Variants in MSR1 observed in about 807,000 individuals in gnomAD.
The protein encoded by MSR1 is macrophage scavenger receptor 1.
In MSR1, 53 loss-of-function variants were observed where a neutral mutation model predicts 47.2. The observed-to-expected ratio is 1.12, with a 90% CI of 0.90 to 1.41. The LOEUF (loss-of-function observed/expected upper bound fraction) is 1.41. MSR1 is among the 40% of genes most tolerant of loss of function. The pLI is 0.00. For synonymous variants in MSR1, 239 were observed against 185.6 expected, an observed-to-expected ratio of 1.29 and a Z score of -2.34; for missense variants, 786 against 546.9, an observed-to-expected ratio of 1.44 and a Z score of -4.36.
intron 9 of MSR1, among the ~76,000 whole-genome samples, chr8:16,117,103 C>A (rs929354370): frequency 5.6e-4 from 86 of 152,264 alleles, no homozygotes; most frequent in Non-Finnish European, 2.1e-4. Context: ...CTGTTAGAAA[C>A]AAAGCTGCAC....
intron 8 of MSR1, chr8:16,120,898 T>A (rs1214352108): frequency 2.4e-6 from 1 of 420,642 alleles, no homozygotes; most frequent in African/African-American, 2.0e-5. Flanking sequence ...GTTTGAATTT[T>A]GACAGATACA....
intron 9 of MSR1, among the ~76,000 whole-genome samples, chr8:16,117,438 T>C (rs184274966): frequency 3.0e-4 from 45 of 152,204 alleles, no homozygotes; most frequent in African/African-American, 1.1e-3. Context: ...TAGACTCATA[T>C]CAAAAACCCT....
chr8:16,184,834 T>C (rs1187579924), intron 1 of MSR1, among the ~76,000 whole-genome samples: 1 of 152,138 alleles, frequency 6.6e-6, no homozygotes, highest in African/African-American at 2.4e-5. Flanking sequence ...GAAGTGATAA[T>C]AAATATTTTG....
chr8:16,150,026 A>G lies in MSR1; in HGVS notation c.979+205T>C, dbSNP rs959846690. Among the ~76,000 whole-genome samples, 6 of 151,506 alleles carry G rather than the reference A, an allele frequency of 4.0e-5. No individual in the cohort carries two copies. In the East Asian group the frequency reaches 1.2e-3, roughly 29 times the overall value. The stretch of plus-strand genomic sequence containing the variant: ...TTTCAGAAATCATTTCTAGACCACA[A>G]AATAACTGCATGTGAATACTAGTAT... On this transcript the variant is annotated intron_variant, in intron 7 of 9. Transcript: ENST00000262101.
intron 6 of MSR1, among the ~76,000 whole-genome samples, chr8:16,151,943 C>T (rs1800872568): frequency 6.6e-6 from 1 of 152,008 alleles, no homozygotes; most frequent in Admixed American, 6.6e-5. Flanking sequence ...GTGCATTGCA[C>T]CTGTAAAATG....
At chr8:16,147,368 A>G (rs778392768) in intron 7 of MSR1, among the ~76,000 whole-genome samples, 1 of 152,114 alleles carries the variant, frequency 6.6e-6, no homozygotes, top group Non-Finnish European at 1.5e-5. Flanking sequence ...TCCATGTAGA[A>G]GGAAAGGGCA....
At chr8:16,183,149 T>C (rs189756431) in intron 1 of MSR1, among the ~76,000 whole-genome samples, 63 of 152,264 alleles carry the variant, frequency 4.1e-4, no homozygotes, top group Non-Finnish European at 8.1e-4. Flanking sequence ...AAAGCTTTCC[T>C]TTCAGGCTAC....
chr8:16,173,282 G>C (rs1801541201), intron 3 of MSR1, among the ~76,000 whole-genome samples: 1 of 152,264 alleles, frequency 6.6e-6, no homozygotes, highest in South Asian at 2.1e-4. Context: ...TCCGACTCCT[G>C]TCTGCACTCT....
At chr8:16,113,093 G>C (rs1187700385) in intron 9 of MSR1, among the ~76,000 whole-genome samples, 1 of 151,536 alleles carries the variant, frequency 6.6e-6, no homozygotes, top group Non-Finnish European at 1.5e-5. Flanking sequence ...GGGATTACAG[G>C]TGTGCACCAC....
chr8:16,177,192 T>G (rs754847150), intron 2 of MSR1, among the ~76,000 whole-genome samples: 1 of 152,152 alleles, frequency 6.6e-6, no homozygotes, highest in Non-Finnish European at 1.5e-5. Context: ...GTTTTAACCA[T>G]AGGTACCAGT....
chr8:16,179,443 C>T (rs928313311), intron 1 of MSR1, among the ~76,000 whole-genome samples: 1 of 152,164 alleles, frequency 6.6e-6, no homozygotes, highest in Non-Finnish European at 1.5e-5. Flanking sequence ...GATGCACATA[C>T]AAATTGTCAT....
At position 16,120,219 on chromosome 8, in the gene MSR1, T is replaced by C. The variant is rs181542772; in HGVS notation, c.1222+199A>G. Among the ~76,000 whole-genome samples the C allele has an allele frequency of 6.6e-5, 10 of 151,530 alleles. No individual in the cohort carries two copies. In the East Asian group the frequency reaches 2.0e-3, roughly 30 times the overall value. ...GGTGAAACCCCATCTCTACTAAAAA[T>C]ACAAAAAATGAGCCGGGTGTGGTGG... On this transcript the variant is annotated intron_variant, in intron 9 of 9. Coordinates refer to ENST00000262101, the MANE Select transcript of MSR1 (RefSeq NM_138715.3).
rs539756824 is a variant in MSR1 at position 16,135,405 on chromosome 8, G to C, written c.1033+8153C>G. ...ATGAGGCCTGGGTGACAGCACGTCT[G>C]TTGACAGCATGGTTTACTGAATATT... is the stretch of plus-strand genomic sequence containing the variant. On this transcript the variant is annotated intron_variant, in intron 8 of 9. Transcript: ENST00000262101. Among the ~76,000 whole-genome samples the C allele has an allele frequency of 2.0e-4, 30 of 152,228 alleles. 1 individual carries two copies. In the South Asian group the frequency reaches 6.2e-3, roughly 32 times the overall value.
rs1291047801 is a variant in MSR1, at chr8:16,168,565, C to T, written c.523G>A (p.Glu175Lys). ...AAACTTATTAAGGACTTGGAGATTTCATCTATTGCATTCCCATGTCCCTGG... is the reference window on the plus strand; with the variant it reads ...AAACTTATTAAGGACTTGGAGATTTTATCTATTGCATTCCCATGTCCCTGG... ...SVQGHGNAID[E>K]ISKSLISLNT... The change falls in exon 4 of 10, where the codon GAA becomes AAA. Residue 175 changes from glutamate to lysine, a missense_variant. Coordinates refer to ENST00000262101, the MANE Select transcript of MSR1 (RefSeq NM_138715.3). 6.2e-7 allele frequency: 1 copy of T among 1,614,128 alleles called. No homozygotes were observed. Among genetic ancestry groups the T allele is most frequent in the Non-Finnish European group, 8.5e-7 (1 of 1,179,980 alleles).
intron 3 of MSR1, among the ~76,000 whole-genome samples, chr8:16,169,225 T>A (rs1801411529): frequency 6.6e-6 from 1 of 152,180 alleles, no homozygotes; most frequent in South Asian, 2.1e-4. Context: ...GCTGTTAGAA[T>A]AAAGTGGACT....
chr8:16,110,766 T>G (rs551720572), intron 9 of MSR1, among the ~76,000 whole-genome samples: 8 of 152,132 alleles, frequency 5.3e-5, no homozygotes, highest in Admixed American at 3.9e-4. Flanking sequence ...AGAACTAATC[T>G]AATCAGCAAA....
In MSR1 at chr8:16,167,896, T is replaced by G. The variant is rs190527973; in HGVS notation, c.630+562A>C. 1.8e-4 allele frequency among the ~76,000 whole-genome samples: 27 copies of G among 152,276 alleles called. No individual in the cohort carries two copies. The East Asian group carries it at 4.8e-3, about 27-fold the overall frequency. ...CTTTGATATGCTTACTTATTAACAA[T>G]GTAGGAAACACTGATAGATTTTAGA... On this transcript the variant is annotated intron_variant, in intron 4 of 9. Transcript: ENST00000262101.
At chr8:16,127,347 T>C (rs558028441) in intron 8 of MSR1, among the ~76,000 whole-genome samples, 2 of 152,280 alleles carry the variant, frequency 1.3e-5, no homozygotes, top group South Asian at 4.1e-4. Context: ...TATGGAAGAA[T>C]TAAACTAATA....
intron 8 of MSR1, among the ~76,000 whole-genome samples, chr8:16,131,873 T>C (rs1036277502): frequency 6.6e-6 from 1 of 152,102 alleles, no homozygotes; most frequent in Non-Finnish European, 1.5e-5. Flanking sequence ...CATGCTGTTT[T>C]TGTTCTGTAC....
Sources: gnomAD v4.1 joint callset for allele counts (sites outside exome capture counted in the v4.1 genomes callset) on GRCh38, gnomAD v4.1.1 for gene constraint, MANE v1.5 for transcripts, NCBI Gene and HGNC (gene_info 2026-07-23, HGNC 2026-07-21) for gene names.